The following DACH1 variants were observed in gnomAD, a reference collection of about 807,000 sequenced individuals.
The protein encoded by DACH1 is dachshund homolog 1.
Under a neutral mutation model 54.2 loss-of-function variants are expected in DACH1, and 12 were observed. That is an observed-to-expected ratio of 0.22 (90% confidence interval 0.14 to 0.36). The LOEUF (loss-of-function observed/expected upper bound fraction) is 0.36. DACH1 is among the 10% of genes least tolerant of loss of function. The pLI is 1.00. For synonymous variants in DACH1, 386 were observed against 366.2 expected (o/e 1.05, Z -0.62); for missense variants, 805 against 929.8 (o/e 0.87, Z 1.75).
chr13:71,762,133 G>A (rs918909351), intron 1 of DACH1, among the ~76,000 whole-genome samples: 9 of 151,982 alleles, frequency 5.9e-5, no homozygotes, highest in African/African-American at 2.2e-4. Flanking sequence ...AAAATAACTG[G>A]TCCAAGGTAG....
At chr13:71,451,249 G>A (rs1593713543) in intron 10 of DACH1, among the ~76,000 whole-genome samples, 1 of 152,164 alleles carries the variant, frequency 6.6e-6, no homozygotes, top group East Asian at 1.9e-4. Flanking sequence ...TCCTATGCAC[G>A]TGGCATAGGA....
At chr13:71,588,497 ATTT>A (rs1236193685) in intron 3 of DACH1, among the ~76,000 whole-genome samples, 1 of 152,062 alleles carries the variant, frequency 6.6e-6, no homozygotes, top group African/African-American at 2.4e-5. Flanking sequence ...AAATAACTTG[ATTT>A]TTTAACTTTG....
At chr13:71,638,635 C>A (rs541447500) in intron 2 of DACH1, among the ~76,000 whole-genome samples, 2 of 151,916 alleles carry the variant, frequency 1.3e-5, no homozygotes, top group Admixed American at 6.6e-5. Context: ...TTCTGTTGAA[C>A]TAGAAGATTA....
At position 71,653,498 on chromosome 13, in the gene DACH1, G is replaced by A. The variant is rs10507796; in HGVS notation, c.965-22781C>T. On this transcript the variant is annotated intron_variant, in intron 2 of 10. Transcript: ENST00000613252. ...CAAAGGCAGACGCTGCCCTACGCAT[G>A]TCTCTAAGGCTTTTACCTACTGTAA... Among the ~76,000 whole-genome samples, 1,524 of 152,290 alleles carry A rather than the reference G, an allele frequency of 0.01. 120 individuals are homozygous for A. In the East Asian group the frequency reaches 0.2, roughly 20 times the overall value.
In DACH1 at chr13:71,738,704, T is replaced by C. The variant is rs556115378; in HGVS notation, c.849-56794A>G. ...CCAAAATTGTGCCATTGCACTCCAG[T>C]CTGGGCAACAGAGCGAGACTCTGTC... On this transcript the variant is annotated intron_variant, in intron 1 of 10. Coordinates refer to ENST00000613252, the MANE Select transcript of DACH1 (RefSeq NM_080759.6). 3.0e-4 allele frequency among the ~76,000 whole-genome samples: 33 copies of C among 110,124 alleles called. No homozygotes were observed. The South Asian group carries it at 8.7e-3, about 29-fold the overall frequency. 72.2% of individuals were successfully genotyped at this position (110,124 alleles called of 152,430 possible). A position where few individuals can be genotyped will look rare whatever the true frequency, so the allele number is the denominator to read the frequency against.
chr13:71,440,626 A>C lies in DACH1; in HGVS notation c.*29T>G. On this transcript the variant is annotated 3_prime_UTR_variant, in exon 11 of 11. Transcript: ENST00000613252. The stretch of plus-strand genomic sequence containing the variant: ...ATGTCTGACTGCAAAGTTCTTTTCT[A>C]TAACATGGATTTCTTCAACAGGAAA... 1 of 1,576,392 alleles carries C rather than the reference A, an allele frequency of 6.3e-7. No individual in the cohort carries two copies. The highest frequency in any genetic ancestry group is 8.6e-7 in the Non-Finnish European group (1 of 1,159,198).
intron 1 of DACH1, chr13:71,704,509 G>T: frequency 7.9e-6 from 3 of 378,750 alleles, no homozygotes; most frequent in South Asian, 7.2e-5. Context: ...GAAGGAAAGT[G>T]ATCAGTAACA....
At chr13:71,751,181 AG>A (rs141480194) in intron 1 of DACH1, among the ~76,000 whole-genome samples, 4,806 of 152,266 alleles carry the variant, frequency 0.032, 266 homozygotes, top group African/African-American at 0.11. Flanking sequence ...ATTCACTGCA[AG>A]AACTGTTTGC....
At chr13:71,513,171 G>A (rs7995486) in intron 6 of DACH1, among the ~76,000 whole-genome samples, 150,032 of 152,046 alleles carry the variant, frequency 0.99, 74,051 homozygotes, top group East Asian at 1. Context: ...TTAATGTGCT[G>A]AAATCCTTTA....
At chr13:71,463,359 A>G (rs549430557) in intron 10 of DACH1, among the ~76,000 whole-genome samples, 1 of 152,076 alleles carries the variant, frequency 6.6e-6, no homozygotes, top group African/African-American at 2.4e-5. Context: ...GATGAATCCT[A>G]CAGGAAACTT....
chr13:71,810,937 C>G (rs1467102170), intron 1 of DACH1, among the ~76,000 whole-genome samples: 1 of 152,048 alleles, frequency 6.6e-6, no homozygotes, highest in East Asian at 1.9e-4. Flanking sequence ...GTATAGATTA[C>G]CAATATCCCA....
chr13:71,446,294 T>C (rs2138104543), intron 10 of DACH1, among the ~76,000 whole-genome samples: 1 of 152,332 alleles, frequency 6.6e-6, no homozygotes, highest in South Asian at 2.1e-4. Flanking sequence ...AAAAATATAT[T>C]TCCTGTTTGT....
intron 2 of DACH1, chr13:71,675,438 C>A (rs574761719): frequency 2.5e-5 from 36 of 1,431,244 alleles, no homozygotes; most frequent in Middle Eastern, 1.7e-4. Context: ...CAAAAGACAT[C>A]CAGCTAGCAC....
At position 71,843,289 on chromosome 13, in the gene DACH1, A is replaced by G. The variant is rs180835118; in HGVS notation, c.848+22633T>C. Among the ~76,000 whole-genome samples the G allele has an allele frequency of 2.0e-4, 30 of 152,126 alleles. No homozygotes were observed. In the East Asian group the frequency reaches 3.1e-3, roughly 16 times the overall value. ...ATTTATGTATTTATTCATTTGAGAC[A>G]GGGTCTTACCCTGTCACCCAGGTTG... On this transcript the variant is annotated intron_variant, in intron 1 of 10. Coordinates refer to ENST00000613252, the MANE Select transcript of DACH1 (RefSeq NM_080759.6).
chr13:71,532,010 A>G (rs550114346), intron 6 of DACH1, among the ~76,000 whole-genome samples: 1 of 152,068 alleles, frequency 6.6e-6, no homozygotes, highest in African/African-American at 2.4e-5. Context: ...TTAGGCATTC[A>G]ATAACTTCTT....
At chr13:71,848,685 T>A (rs371856682) in intron 1 of DACH1, among the ~76,000 whole-genome samples, 1 of 151,922 alleles carries the variant, frequency 6.6e-6, no homozygotes, top group Non-Finnish European at 1.5e-5. Flanking sequence ...GCCTGGCTAA[T>A]TAAAAAAAAT....
chr13:71,556,265 A>G (rs1884243306), intron 6 of DACH1, among the ~76,000 whole-genome samples: 1 of 152,104 alleles, frequency 6.6e-6, no homozygotes, highest in Admixed American at 6.6e-5. Flanking sequence ...TGGCTTTGTC[A>G]AAAAAAGATA....
chr13:71,450,869 T>A (rs1874974563), intron 10 of DACH1, among the ~76,000 whole-genome samples: 1 of 152,240 alleles, frequency 6.6e-6, no homozygotes, highest in African/African-American at 2.4e-5. Flanking sequence ...TTCATTCTGT[T>A]CTATGAAGGT....
At chr13:71,477,223 C>T (rs1368205766) in intron 8 of DACH1, among the ~76,000 whole-genome samples, 1 of 147,880 alleles carries the variant, frequency 6.8e-6, no homozygotes, top group Non-Finnish European at 1.5e-5. Flanking sequence ...CAGGTTCACG[C>T]CATTCTCCTG....
Sources: gnomAD v4.1 joint callset for allele counts (sites outside exome capture counted in the v4.1 genomes callset) on GRCh38, gnomAD v4.1.1 for gene constraint, MANE v1.5 for transcripts, NCBI Gene and HGNC (gene_info 2026-07-23, HGNC 2026-07-21) for gene names.